The following C6 variants were observed in gnomAD, a reference collection of about 807,000 sequenced individuals.
C6 encodes the protein complement C6.
A neutral mutation model predicts 112.9 loss-of-function variants in C6; 101 were observed. The observed-to-expected ratio is 0.89, with a 90% confidence interval of 0.76 to 1.06. The LOEUF is 1.06. C6 is among the 50% of genes least tolerant of loss of function. The pLI is 0.00. For synonymous variants in C6, 431 were observed against 384.1 expected (o/e 1.12, Z -1.43); for missense variants, 1,202 against 1,104.6 (o/e 1.09, Z -1.25).
rs184004601 is a variant in C6, at chr5:41,171,192, C to G, written c.1291+1033G>C. On this transcript the variant is annotated intron_variant, in intron 9 of 17. Transcript: ENST00000337836. ...GAGGAAGACAACTTGCAGAGACATTCAGGAGGTAGAATGAATTGTGCATGG... is the reference window on the plus strand; with the variant it reads ...GAGGAAGACAACTTGCAGAGACATTGAGGAGGTAGAATGAATTGTGCATGG... Among the ~76,000 whole-genome samples the G allele has an allele frequency of 7.8e-4, 118 of 152,218 alleles. 1 individual carries two copies. In the South Asian group the frequency reaches 8.3e-3, roughly 11 times the overall value.
intron 6 of C6, among the ~76,000 whole-genome samples, chr5:41,182,265 C>CTTTTTTTTTTTT (rs371104902): frequency 1.4e-5 from 2 of 141,958 alleles, no homozygotes; most frequent in Non-Finnish European, 1.5e-5. Flanking sequence ...CCCCCCGCCC[C>CTTTTTTTTTTTT]TTTTTTTTTT....
chr5:41,166,245 A>G (rs1747964165), intron 9 of C6, among the ~76,000 whole-genome samples: 1 of 152,146 alleles, frequency 6.6e-6, no homozygotes, highest in Non-Finnish European at 1.5e-5. Context: ...TAATTTTTTT[A>G]GTAAGGCATA....
chr5:41,159,535 G>T, intron 11 of C6: 1 of 905,072 alleles, frequency 1.1e-6, no homozygotes, highest in Non-Finnish European at 1.3e-6. Flanking sequence ...TCTTGGCTTT[G>T]GAGGCCTTTT....
At chr5:41,257,142 A>G (rs1055648134) in intron 1 of C6, among the ~76,000 whole-genome samples, 6 of 152,104 alleles carry the variant, frequency 3.9e-5, no homozygotes, top group African/African-American at 1.4e-4. Context: ...GGTAGTAAGC[A>G]TAGGTAGTTT....
At chr5:41,189,981 G>A (rs1442282688) in intron 5 of C6, among the ~76,000 whole-genome samples, 1 of 152,120 alleles carries the variant, frequency 6.6e-6, no homozygotes, top group Non-Finnish European at 1.5e-5. Flanking sequence ...TTTTGTATAT[G>A]TAACATGTTT....
rs745924485 is a variant in C6, at chr5:41,149,246, C to T, written c.2618G>A (p.Cys873Tyr). Residue 873 changes from cysteine (C) to tyrosine (Y), a missense_variant, in exon 17 of 18, where the codon TGT (cysteine) becomes TAT (tyrosine). Cys to Tyr is a radical substitution (Grantham distance 194). Coordinates refer to ENST00000337836, the MANE Select transcript of C6 (RefSeq NM_000065.5). ...GYDTCYDWEK[C>Y]SASTSKCVCL... Reference sequence around the variant, plus strand: ...TGGTCACCATTGGAACTTACCTGAACATTTTTCCCAGTCATAGCAGGTGTC... The same window carrying T: ...TGGTCACCATTGGAACTTACCTGAATATTTTTCCCAGTCATAGCAGGTGTC... 4 of 1,614,008 alleles carry T rather than the reference C, an allele frequency of 2.5e-6. No homozygotes were observed. In the Admixed American group the frequency reaches 5.0e-5, roughly 20 times the overall value.
intron 6 of C6, among the ~76,000 whole-genome samples, chr5:41,184,497 A>G (rs960706683): frequency 4.6e-5 from 7 of 150,584 alleles, no homozygotes; most frequent in African/African-American, 1.7e-4. Flanking sequence ...TTTTTGAGAG[A>G]GTCTCACTCT....
Position 41,142,153 on chromosome 5 carries a change from C to T in C6, c.*672G>A, listed in dbSNP as rs1745413294. On this transcript the variant is annotated 3_prime_UTR_variant, in exon 18 of 18. Coordinates refer to ENST00000337836, the MANE Select transcript of C6 (RefSeq NM_000065.5). The stretch of plus-strand genomic sequence containing the variant: ...CGATGTTTATTGTTATGGAATATTT[C>T]CTTGCATAAGATGATAATTAAGGAT... The T allele has an allele frequency of 6.6e-6, 1 of 152,506 alleles. No individual in the cohort carries two copies. The highest frequency in any genetic ancestry group is 2.4e-5 in the African/African-American group (1 of 41,436). The allele number at this position is 152,506 out of a possible 1,614,324, so 9.4% of individuals were successfully genotyped here. A position where few individuals can be genotyped will look rare whatever the true frequency, so the allele number is the denominator to read the frequency against.
Position 41,203,218 on chromosome 5 carries a change from A to G in C6, c.13T>C (p.Ser5Pro). Residue 5 changes from serine (S) to proline (P), a missense_variant, in exon 2 of 18, where the codon TCT becomes CCT. Ser to Pro is a moderately conservative substitution (Grantham distance 74). Transcript: ENST00000337836. The part of the protein sequence containing the change: MARR[S>P]VLYFILLNAL... ...TTCAGCAGGATGAAGTACAAGACAG[A>G]GCGTCTGGCCATGCCTTGAGAGCCT... 1.2e-6 allele frequency: 2 copies of G among 1,614,174 alleles called. No homozygotes were observed.
At chr5:41,201,411 C>T (rs903397849) in intron 3 of C6, 147 bp downstream of exon 3, 2 of 814,720 alleles carry the variant, frequency 2.5e-6, no homozygotes, top group Non-Finnish European at 4.0e-6. Flanking sequence ...CACAAAAGTG[C>T]TAAATGGAAT....
At chr5:41,187,989 G>A (rs930364590) in intron 5 of C6, among the ~76,000 whole-genome samples, 3 of 151,968 alleles carry the variant, frequency 2.0e-5, no homozygotes, top group Non-Finnish European at 4.4e-5. Flanking sequence ...AAATAGCAAT[G>A]AACAATCCAA....
chr5:41,205,016 G>A lies in C6; in HGVS notation c.-20-1766C>T, dbSNP rs113239762. ...AATAAAAGTAACCAAATCCATTGACGTATGGCTGAATATGTCTTTCAATTT... is the reference window on the plus strand; with the variant it reads ...AATAAAAGTAACCAAATCCATTGACATATGGCTGAATATGTCTTTCAATTT... On this transcript the variant is annotated intron_variant, in intron 1 of 17. Coordinates refer to ENST00000337836, the MANE Select transcript of C6 (RefSeq NM_000065.5). Among the ~76,000 whole-genome samples the A allele has an allele frequency of 8.1e-3, 1,226 of 152,168 alleles. 18 individuals are homozygous for A. Among genetic ancestry groups the A allele is most frequent in the African/African-American group, 0.027 (1,130 of 41,506 alleles).
intron 11 of C6, among the ~76,000 whole-genome samples, 199 bp downstream of exon 11, chr5:41,159,943 G>A (rs1580071063): frequency 6.6e-6 from 1 of 152,180 alleles, no homozygotes; most frequent in African/African-American, 2.4e-5. Flanking sequence ...GAGGCATAGG[G>A]AAGCTGGGTA....
At position 41,210,180 on chromosome 5, in the gene C6, C is replaced by G. The variant is rs543970528; in HGVS notation, c.-21+3196G>C. Among the ~76,000 whole-genome samples, 74 of 152,272 alleles carry G rather than the reference C, an allele frequency of 4.9e-4. 1 individual carries two copies. Among genetic ancestry groups the G allele is most frequent in the African/African-American group, 1.7e-3 (71 of 41,558 alleles). On this transcript the variant is annotated intron_variant, in intron 1 of 17. Coordinates refer to ENST00000337836, the MANE Select transcript of C6 (RefSeq NM_000065.5). ...GCTAGCCATATGTAGAAAGCTGAAA[C>G]TGGATCCCTTCCTTGCACCTTATAC...
At chr5:41,230,328 T>C (rs1189528673) in intron 1 of C6, among the ~76,000 whole-genome samples, 1 of 152,072 alleles carries the variant, frequency 6.6e-6, no homozygotes, top group African/African-American at 2.4e-5. Context: ...GTAGGAGAGA[T>C]ATCAGTGAAT....
At chr5:41,249,103 T>TG (rs1246494017) in intron 1 of C6, among the ~76,000 whole-genome samples, 1 of 152,142 alleles carries the variant, frequency 6.6e-6, no homozygotes, top group East Asian at 1.9e-4. Context: ...AGCTAATCAT[T>TG]GGGTACTTAT....
intron 6 of C6, among the ~76,000 whole-genome samples, chr5:41,182,260 C>G (rs1240121963): frequency 6.6e-6 from 1 of 151,142 alleles, no homozygotes; most frequent in African/African-American, 2.4e-5. Flanking sequence ...CACTTCCCCC[C>G]GCCCCTTTTT....
chr5:41,209,606 C>T (rs1016971726), intron 1 of C6, among the ~76,000 whole-genome samples: 1 of 152,170 alleles, frequency 6.6e-6, no homozygotes, highest in African/African-American at 2.4e-5. Flanking sequence ...ATGGTAAACT[C>T]CCATTCACAA....
At chr5:41,201,928 C>T (rs1159559729) in intron 2 of C6, among the ~76,000 whole-genome samples, 2 of 152,038 alleles carry the variant, frequency 1.3e-5, no homozygotes, top group African/African-American at 2.4e-5. Flanking sequence ...AAATGGGAAA[C>T]CTCTTGCTCA....
Sources: allele counts gnomAD v4.1 joint callset (sites outside exome capture counted in the v4.1 genomes callset), GRCh38; gene constraint gnomAD v4.1.1; transcripts MANE v1.5; gene names NCBI Gene and HGNC (gene_info 2026-07-23, HGNC 2026-07-21).